CACNA2D4: variants seen among roughly 807,000 people sequenced by gnomAD.
CACNA2D4 encodes the protein calcium voltage-gated channel auxiliary subunit alpha2delta 4.
A neutral mutation model predicts 163.8 loss-of-function variants in CACNA2D4; 157 were observed. The ratio of observed to expected loss-of-function variants is 0.96; its 90% CI spans 0.84 to 1.09. The LOEUF (loss-of-function observed/expected upper bound fraction) is 1.09. Ranked by LOEUF, CACNA2D4 falls within the 50% of genes least tolerant of loss-of-function variation. The probability of loss-of-function intolerance (pLI) is 0.00; values close to 1 mark genes in which losing one functional copy is unlikely to be tolerated. For missense variants in CACNA2D4, 1,410 were observed against 1,479.9 expected (o/e 0.95, Z 0.78); for synonymous variants, 598 against 586.9 (o/e 1.02, Z -0.27).
chr12:1,844,498 C>T lies in CACNA2D4; in HGVS notation c.2374G>A (p.Val792Met), dbSNP rs200749936. 3.3e-5 allele frequency: 54 copies of T among 1,613,388 alleles called. No individual in the cohort carries two copies. Among genetic ancestry groups the T allele is most frequent in the African/African-American group, 1.3e-4 (10 of 75,030 alleles). The change falls in exon 25 of 38, where the codon GTG (valine) becomes ATG (methionine). Residue 792 changes from valine to methionine, a missense_variant. Val to Met is a conservative substitution (Grantham distance 21, BLOSUM62 1). Transcript: ENST00000382722. This position sits in a 1 kb window ranked among gnomAD's most constrained non-coding sequence, Gnocchi z 4.2. ...AGCGGGAAGCGGTCCAGGGTGAACA[C>T]GCTGGCCTCGTCCTCAGGTGTCAGG... is the stretch of plus-strand genomic sequence containing the variant. ...KFLTPEDEAS[V>M]FTLDRFPLWY... is the part of the protein sequence containing the mutation.
chr12:1,795,149 G>T, intron 37 of CACNA2D4, 150 bp downstream of exon 37: 1 of 638,384 alleles, frequency 1.6e-6, no homozygotes, highest in African/African-American at 1.8e-5. Flanking sequence ...AGTGTCACAG[G>T]GCATAAACGC....
chr12:1,813,220 TA>T (rs1313535389), intron 26 of CACNA2D4, among the ~76,000 whole-genome samples: 1 of 152,232 alleles, frequency 6.6e-6, no homozygotes, highest in Non-Finnish European at 1.5e-5. Context: ...CCTTGATTTT[TA>T]AACTTCAGCG....
At position 1,883,552 on chromosome 12, in the gene CACNA2D4, C is replaced by T. The variant is rs919363280; in HGVS notation, c.1352-552G>A. Among the ~76,000 whole-genome samples, 1 of 152,056 alleles carries T rather than the reference C, an allele frequency of 6.6e-6. No individual in the cohort carries two copies. The highest frequency in any genetic ancestry group is 2.4e-5 in the African/African-American group (1 of 41,400). On this transcript the variant is annotated intron_variant, in intron 12 of 37. Coordinates refer to ENST00000382722, the MANE Select transcript of CACNA2D4 (RefSeq NM_172364.5). This position sits in a 1 kb window ranked among gnomAD's most constrained non-coding sequence, Gnocchi z 4.5. ...AGGCTGTGAATGGCCTCTCCACGCCCCCACCTCCCACCGTGTTCATCCCCC... is the reference window on the plus strand; with the variant it reads ...AGGCTGTGAATGGCCTCTCCACGCCTCCACCTCCCACCGTGTTCATCCCCC...
In CACNA2D4 at chr12:1,799,448, G is replaced by C. The variant is rs1863236292; in HGVS notation, c.2995+227C>G. Reference sequence around the variant, plus strand: ...AATCTTACGTGTTCTCACCCAAGGGGAGGCTGGAGTTTCTCATTTTCCCTG... The same window carrying C: ...AATCTTACGTGTTCTCACCCAAGGGCAGGCTGGAGTTTCTCATTTTCCCTG... On this transcript the variant is annotated intron_variant, in intron 34 of 37. Coordinates refer to ENST00000382722, the MANE Select transcript of CACNA2D4 (RefSeq NM_172364.5). This position sits in a 1 kb window ranked among gnomAD's most constrained non-coding sequence, Gnocchi z 4.7. 6.6e-6 allele frequency among the ~76,000 whole-genome samples: 1 copy of C among 152,322 alleles called. No homozygotes were observed. Among genetic ancestry groups the C allele is most frequent in the South Asian group, 2.1e-4 (1 of 4,828 alleles).
rs1863028046 is a variant in CACNA2D4, at chr12:1,793,323, A to G, written c.*332T>C. The stretch of plus-strand genomic sequence containing the variant: ...TGGCTGGGTCTGGACTCTGGAGTAC[A>G]GGAAGAACTAAATTATTTTGTCTTG... On this transcript the variant is annotated 3_prime_UTR_variant, in exon 38 of 38. Transcript: ENST00000382722. 5 of 371,176 alleles carry G rather than the reference A, an allele frequency of 1.3e-5. No individual in the cohort carries two copies. The highest frequency in any genetic ancestry group is 2.0e-5 in the Non-Finnish European group (4 of 197,294). 23.0% of individuals were successfully genotyped at this position (371,176 alleles called of 1,614,324 possible). A position where few individuals can be genotyped will look rare whatever the true frequency, so the allele number is the denominator to read the frequency against.
intron 3 of CACNA2D4, among the ~76,000 whole-genome samples, chr12:1,910,396 A>G (rs1325005468): frequency 6.6e-6 from 1 of 152,236 alleles, no homozygotes; most frequent in African/African-American, 2.4e-5. Context: ...AATGTGTGCT[A>G]TGGACTTGGG....
At chr12:1,908,914 G>A (rs567103657) in intron 4 of CACNA2D4, among the ~76,000 whole-genome samples, 1 of 151,588 alleles carries the variant, frequency 6.6e-6, no homozygotes, top group Non-Finnish European at 1.5e-5. Flanking sequence ...CAACTCCCAC[G>A]CCAGGTTCCT....
chr12:1,900,499 T>C (rs535338460), intron 6 of CACNA2D4, among the ~76,000 whole-genome samples: 5 of 152,316 alleles, frequency 3.3e-5, no homozygotes, highest in African/African-American at 9.6e-5. Flanking sequence ...CTCTTATTCA[T>C]TGCTTGTGGG....
intron 26 of CACNA2D4, among the ~76,000 whole-genome samples, chr12:1,839,811 C>T (rs721159): frequency 0.83 from 125,982 of 152,074 alleles, 52,495 homozygotes; most frequent in Non-Finnish European, 0.86. Flanking sequence ...TCAGCATCCA[C>T]TGTTTGCTCT....
At position 1,844,664 on chromosome 12, in the gene CACNA2D4, A is replaced by T; in HGVS notation, c.2343-135T>A. The T allele has an allele frequency of 1.2e-6, 1 of 866,562 alleles. No homozygotes were observed. The allele number at this position is 866,562 out of a possible 1,614,324, so 53.7% of individuals were successfully genotyped here. A position where few individuals can be genotyped will look rare whatever the true frequency, so the allele number is the denominator to read the frequency against. On this transcript the variant is annotated intron_variant, in intron 24 of 37. Coordinates refer to ENST00000382722, the MANE Select transcript of CACNA2D4 (RefSeq NM_172364.5). This position sits in a 1 kb window ranked among gnomAD's most constrained non-coding sequence, Gnocchi z 4.2. ...CCCTAAATTAGTACGGCCCCAGACA[A>T]TGCTTCCCAGCAATTCTCGCCTTTT...
intron 7 of CACNA2D4, 26 bp from the exon 8 acceptor site, chr12:1,886,399 A>T: frequency 3.7e-6 from 6 of 1,607,562 alleles, no homozygotes; most frequent in Non-Finnish European, 5.1e-6. Flanking sequence ...GACATGCCCA[A>T]GATGGGAAAA....
intron 29 of CACNA2D4, chr12:1,809,248 T>C (rs1863634206): frequency 4.1e-6 from 2 of 492,068 alleles, no homozygotes; most frequent in Non-Finnish European, 7.2e-6. Context: ...ACCACAGCCC[T>C]ACCATGCGTG....
chr12:1,828,227 C>G lies in CACNA2D4; in HGVS notation c.2551+12512G>C, dbSNP rs1347977619. 6.5e-7 allele frequency: 1 copy of G among 1,537,596 alleles called. No individual in the cohort carries two copies. The highest frequency in any genetic ancestry group is 8.8e-7 in the Non-Finnish European group (1 of 1,141,082). ...GAGGCAAGTCTCCTGTGAGTACACC[C>G]CTGGCCTCGGAGGGGGGTGCGGGTT... On this transcript the variant is annotated intron_variant, in intron 26 of 37. Coordinates refer to ENST00000382722, the MANE Select transcript of CACNA2D4 (RefSeq NM_172364.5). The surrounding 1 kb of genome is among the most constrained non-coding windows in gnomAD (Gnocchi z 4.2).
At position 1,799,859 on chromosome 12, in the gene CACNA2D4, C is replaced by T. The variant is rs1319732138; in HGVS notation, c.2974+141G>A. 112 of 1,253,536 alleles carry T rather than the reference C, an allele frequency of 8.9e-5. No homozygotes were observed. The highest frequency in any genetic ancestry group is 1.2e-4 in the Non-Finnish European group (105 of 883,314). 77.7% of individuals were successfully genotyped at this position (1,253,536 alleles called of 1,614,324 possible). Reference sequence around the variant, plus strand: ...GAGTGAGGGATGTGATGAGAGAAGGCCACGCAGGGTGAGATGTGAACAACG... The same window carrying T: ...GAGTGAGGGATGTGATGAGAGAAGGTCACGCAGGGTGAGATGTGAACAACG... On this transcript the variant is annotated intron_variant, in intron 33 of 37. Transcript: ENST00000382722. This position sits in a 1 kb window ranked among gnomAD's most constrained non-coding sequence, Gnocchi z 4.7.
intron 23 of CACNA2D4, among the ~76,000 whole-genome samples, chr12:1,851,650 T>TG (rs1491336256): frequency 8.6e-5 from 7 of 81,808 alleles, no homozygotes; most frequent in South Asian, 4.3e-4. Flanking sequence ...TTGGTGTGTG[T>TG]TTGTGTGTGT....
In CACNA2D4 at chr12:1,869,126, A is replaced by G. The variant is rs1865716775; in HGVS notation, c.1878+5478T>C. ...GAAAAGCAGGTCTAAAGCAAGAAAA[A>G]AATTCCTGTTTGGTTCTTATAATGA... On this transcript the variant is annotated intron_variant, in intron 18 of 37. Coordinates refer to ENST00000382722, the MANE Select transcript of CACNA2D4 (RefSeq NM_172364.5). The surrounding 1 kb of genome is among the most constrained non-coding windows in gnomAD (Gnocchi z 4.7). Among the ~76,000 whole-genome samples, 2 of 152,186 alleles carry G rather than the reference A, an allele frequency of 1.3e-5. No individual in the cohort carries two copies. The highest frequency in any genetic ancestry group is 4.1e-4 in the South Asian group (2 of 4,826).
chr12:1,861,941 C>A (rs7315910), intron 18 of CACNA2D4, among the ~76,000 whole-genome samples: 12,607 of 152,260 alleles, frequency 0.083, 707 homozygotes, highest in Middle Eastern at 0.14. Flanking sequence ...GATTCTGTCA[C>A]CATAGATTGG....
rs61409749 is a variant in CACNA2D4 at position 1,813,538 on chromosome 12, T to A, written c.2552-1815A>T. ...TAAAAAACAGTTAATTTTAATTAAC[T>A]TAAATTTAAATAGCCACGTATGGTT... is the stretch of plus-strand genomic sequence containing the variant. On this transcript the variant is annotated intron_variant, in intron 26 of 37. Coordinates refer to ENST00000382722, the MANE Select transcript of CACNA2D4 (RefSeq NM_172364.5). Among the ~76,000 whole-genome samples, 1,213 of 152,296 alleles carry A rather than the reference T, an allele frequency of 8.0e-3. 16 individuals are homozygous for A. The highest frequency in any genetic ancestry group is 0.028 in the African/African-American group (1,144 of 41,560).
At chr12:1,904,054 A>T (rs1010165100) in intron 6 of CACNA2D4, among the ~76,000 whole-genome samples, 6 of 152,092 alleles carry the variant, frequency 3.9e-5, no homozygotes, top group African/African-American at 7.2e-5. Context: ...AAAGAGAATC[A>T]GATTCTGTCA....
Sources: allele counts gnomAD v4.1 joint callset (sites outside exome capture counted in the v4.1 genomes callset), GRCh38; gene constraint gnomAD v4.1.1; non-coding constraint Gnocchi (gnomAD v3.1); transcripts MANE v1.5; gene names NCBI Gene and HGNC (gene_info 2026-07-23, HGNC 2026-07-21).